Variants in CFAP299 observed in about 807,000 individuals in gnomAD.
The protein encoded by CFAP299 is cilia- and flagella-associated protein 299.
A neutral mutation model predicts 27.0 loss-of-function variants in CFAP299; 21 were observed. The ratio of observed to expected loss-of-function variants is 0.78; its 90% CI spans 0.55 to 1.12. CFAP299 has a LOEUF of 1.12. Among genes scored for constraint, CFAP299 ranks in the 50% most tolerant of loss-of-function variants. CFAP299 has a pLI of 0.00. For synonymous variants in CFAP299, 104 were observed against 98.1 expected (o/e 1.06, Z -0.36); for missense variants, 310 against 276.6 (o/e 1.12, Z -0.86).
At chr4:80,864,510 C>G (rs1431335860) in intron 3 of CFAP299, among the ~76,000 whole-genome samples, 1 of 143,424 alleles carries the variant, frequency 7.0e-6, no homozygotes, top group Non-Finnish European at 1.5e-5. Context: ...ACATATATAC[C>G]TATATATACG....
intron 1 of CFAP299, among the ~76,000 whole-genome samples, chr4:80,341,278 C>T (rs1357233023): frequency 6.6e-6 from 1 of 152,198 alleles, no homozygotes; most frequent in Non-Finnish European, 1.5e-5. Flanking sequence ...TCTGGAGAGT[C>T]CAGGCAGTGT....
chr4:80,929,702 A>G (rs1736504265), intron 4 of CFAP299, among the ~76,000 whole-genome samples: 1 of 151,950 alleles, frequency 6.6e-6, no homozygotes, highest in African/African-American at 2.4e-5. Flanking sequence ...CCTTCAATCA[A>G]TTCATCACCC....
intron 3 of CFAP299, among the ~76,000 whole-genome samples, chr4:80,691,840 G>A (rs1172137710): frequency 6.6e-6 from 1 of 152,200 alleles, no homozygotes; most frequent in African/African-American, 2.4e-5. Flanking sequence ...AGCAAATTCA[G>A]CAAAGTCTCA....
chr4:80,547,804 A>T (rs1229342448), intron 2 of CFAP299, among the ~76,000 whole-genome samples: 1 of 152,216 alleles, frequency 6.6e-6, no homozygotes, highest in Non-Finnish European at 1.5e-5. Context: ...TCATTAGAGA[A>T]ATGCAAATTA....
intron 3 of CFAP299, among the ~76,000 whole-genome samples, chr4:80,700,311 A>G (rs1417379736): frequency 6.6e-6 from 1 of 152,166 alleles, no homozygotes; most frequent in Non-Finnish European, 1.5e-5. Flanking sequence ...TAATATTTAT[A>G]ACTACTTAGA....
intron 3 of CFAP299, among the ~76,000 whole-genome samples, chr4:80,690,127 A>C (rs1265937870): frequency 6.7e-6 from 1 of 149,498 alleles, no homozygotes; most frequent in Non-Finnish European, 1.5e-5. Context: ...AACATTAGGC[A>C]GATCAACGAG....
At position 80,833,844 on chromosome 4, in the gene CFAP299, T is replaced by C. The variant is rs372427599; in HGVS notation, c.334-36149T>C. On this transcript the variant is annotated intron_variant, in intron 3 of 5. Coordinates refer to ENST00000358105, the MANE Select transcript of CFAP299 (RefSeq NM_152770.3). ...AGCACTGACATTACTCCTACTGTGA[T>C]ACACAAGACAACTTCATCTCAACCT... Among the ~76,000 whole-genome samples, 9 of 152,328 alleles carry C rather than the reference T, an allele frequency of 5.9e-5. No homozygotes were observed. In the South Asian group the frequency reaches 1.9e-3, roughly 32 times the overall value.
At chr4:80,696,046 A>G (rs1721068148) in intron 3 of CFAP299, among the ~76,000 whole-genome samples, 1 of 152,118 alleles carries the variant, frequency 6.6e-6, no homozygotes, top group Non-Finnish European at 1.5e-5. Context: ...TCACACCTGT[A>G]ATCCCAGCAC....
chr4:80,650,254 T>A (rs1186694150), intron 3 of CFAP299, among the ~76,000 whole-genome samples: 1 of 152,050 alleles, frequency 6.6e-6, no homozygotes, highest in African/African-American at 2.4e-5. Context: ...AATTAATAAA[T>A]TTAAAAACAT....
chr4:80,892,302 C>T (rs1346786596), intron 4 of CFAP299, among the ~76,000 whole-genome samples: 3 of 152,008 alleles, frequency 2.0e-5, no homozygotes, highest in African/African-American at 4.8e-5. Flanking sequence ...AGTAGATATC[C>T]ATATCCAAAA....
intron 3 of CFAP299, among the ~76,000 whole-genome samples, chr4:80,652,863 G>A (rs895812623): frequency 6.6e-6 from 1 of 152,012 alleles, no homozygotes; most frequent in Non-Finnish European, 1.5e-5. Flanking sequence ...TCTCAAATCC[G>A]ACTCGCCTCC....
chr4:80,407,632 G>A (rs1726500081), intron 2 of CFAP299, among the ~76,000 whole-genome samples: 1 of 152,170 alleles, frequency 6.6e-6, no homozygotes, highest in Non-Finnish European at 1.5e-5. Context: ...CTGATGCAAA[G>A]GGTGAAGAAA....
At chr4:80,618,860 C>T (rs1044331935) in intron 3 of CFAP299, among the ~76,000 whole-genome samples, 1 of 151,784 alleles carries the variant, frequency 6.6e-6, no homozygotes, top group South Asian at 2.1e-4. Context: ...AACTACTAAT[C>T]GTGGGAGCTG....
intron 2 of CFAP299, among the ~76,000 whole-genome samples, chr4:80,397,423 G>A (rs1012335994): frequency 6.6e-6 from 1 of 152,026 alleles, no homozygotes; most frequent in African/African-American, 2.4e-5. Context: ...CCTTGTGCTA[G>A]CTTTTGAATG....
chr4:80,579,440 G>A (rs1398643876), intron 2 of CFAP299, among the ~76,000 whole-genome samples: 1 of 152,052 alleles, frequency 6.6e-6, no homozygotes, highest in Non-Finnish European at 1.5e-5. Flanking sequence ...GGAAGAAGGG[G>A]GAACAGTGTC....
At chr4:80,584,756 T>C (rs959143956) in intron 3 of CFAP299, among the ~76,000 whole-genome samples, 2 of 151,888 alleles carry the variant, frequency 1.3e-5, no homozygotes, top group Non-Finnish European at 2.9e-5. Flanking sequence ...GAAACCTAGA[T>C]TTTTTTTCAT....
intron 2 of CFAP299, among the ~76,000 whole-genome samples, chr4:80,434,399 C>G (rs1727965860): frequency 6.6e-6 from 1 of 152,170 alleles, no homozygotes; most frequent in African/African-American, 2.4e-5. Context: ...TGTGCAGCTT[C>G]CAGACATATC....
chr4:80,388,179 G>C (rs1471005180), intron 2 of CFAP299: 2 of 686,850 alleles, frequency 2.9e-6, no homozygotes, highest in Non-Finnish European at 5.4e-6. Flanking sequence ...GGTGGAGGAG[G>C]GGGTGAAGGC....
intron 3 of CFAP299, among the ~76,000 whole-genome samples, chr4:80,705,258 G>A (rs329399): frequency 0.71 from 107,876 of 151,610 alleles, 41,536 homozygotes; most frequent in Non-Finnish European, 0.85. Flanking sequence ...TTGAAAAGTA[G>A]GTGATACTCT....
Sources: allele counts gnomAD v4.1 joint callset (sites outside exome capture counted in the v4.1 genomes callset), GRCh38; gene constraint gnomAD v4.1.1; transcripts MANE v1.5; gene names NCBI Gene and HGNC (gene_info 2026-07-23, HGNC 2026-07-21).